IGSF5: variants seen among roughly 807,000 people sequenced by gnomAD.
The protein encoded by IGSF5 is immunoglobulin superfamily member 5.
IGSF5 carries 41 observed loss-of-function variants against 39.4 expected under a neutral mutation model. The ratio of observed to expected loss-of-function variants is 1.04; its 90% CI spans 0.81 to 1.35. IGSF5 has a LOEUF of 1.35. Ranked by LOEUF, IGSF5 falls within the 40% of genes most tolerant of loss-of-function variation. The pLI is 0.00. For missense variants in IGSF5, 487 were observed against 494.6 expected (o/e 0.98, Z 0.15); for synonymous variants, 183 against 175.3 (o/e 1.04, Z -0.34).
chr21:39,780,074 A>G (rs189396995), intron 5 of IGSF5, among the ~76,000 whole-genome samples: 3 of 152,392 alleles, frequency 2.0e-5, no homozygotes, highest in African/African-American at 4.8e-5. Context: ...AATAGCGATG[A>G]ATATGTGAGA....
chr21:39,726,154 T>C, the IGSF5 span: 7 of 152,406 alleles, frequency 4.6e-5, no homozygotes, highest in East Asian at 1.3e-3. Flanking sequence ...CTATGTGTGT[T>C]CACCTCTCAT....
chr21:39,736,956 C>G, the IGSF5 span, among the ~76,000 whole-genome samples: 1 of 152,112 alleles, frequency 6.6e-6, no homozygotes, highest in East Asian at 1.9e-4. Flanking sequence ...AATGCACTAC[C>G]CTGACCTCAG....
At chr21:39,775,646 A>G (rs1428062737) in intron 4 of IGSF5, among the ~76,000 whole-genome samples, 1 of 152,214 alleles carries the variant, frequency 6.6e-6, no homozygotes. Flanking sequence ...CCTAACAAGC[A>G]CACAGTGGTG....
At chr21:39,741,899 C>A (rs573591808), upstream of IGSF5, among the ~76,000 whole-genome samples, 221 of 152,200 alleles carry the variant, frequency 1.5e-3, 1 homozygote, top group African/African-American at 5.0e-3. Context: ...CTTGCACTAA[C>A]CTCCACTGTC....
chr21:39,751,662 T>TA (rs1421303146), intron 2 of IGSF5, among the ~76,000 whole-genome samples: 6 of 152,144 alleles, frequency 3.9e-5, no homozygotes, highest in African/African-American at 1.2e-4. Flanking sequence ...AGAAAGTTTT[T>TA]AAAAAAACTT....
the IGSF5 span, among the ~76,000 whole-genome samples, chr21:39,711,875 G>A: frequency 6.6e-6 from 1 of 152,142 alleles, no homozygotes; most frequent in Non-Finnish European, 1.5e-5. Flanking sequence ...AATCCTTTCA[G>A]ATGGTGACAC....
At chr21:39,720,628 A>T in the IGSF5 span, among the ~76,000 whole-genome samples, 1 of 152,344 alleles carries the variant, frequency 6.6e-6, no homozygotes, top group South Asian at 2.1e-4. Flanking sequence ...GCATAAGAAG[A>T]CATGATGACT....
intron 2 of IGSF5, among the ~76,000 whole-genome samples, chr21:39,761,744 C>T (rs544209010): frequency 2.6e-5 from 4 of 152,286 alleles, no homozygotes; most frequent in East Asian, 1.9e-4. Flanking sequence ...TCATAGCTTG[C>T]GGCAGACTCA....
At chr21:39,784,812 A>G (rs1466969091) in intron 5 of IGSF5, among the ~76,000 whole-genome samples, 1 of 152,124 alleles carries the variant, frequency 6.6e-6, no homozygotes, top group Non-Finnish European at 1.5e-5. Context: ...TTAAACATCA[A>G]AAATTTTCAG....
At chr21:39,739,568 A>G in the IGSF5 span, among the ~76,000 whole-genome samples, 1 of 152,124 alleles carries the variant, frequency 6.6e-6, no homozygotes, top group South Asian at 2.1e-4. Context: ...TAGTCAGCCT[A>G]GGAAATCCAG....
Position 39,801,430 on chromosome 21 carries a change from A to C in IGSF5, c.*73A>C. The stretch of plus-strand genomic sequence containing the variant: ...CACGGCGATGGCATCCTTCCTTTCC[A>C]TCCTAAGACTGGCCTGCAGCTTTGC... On this transcript the variant is annotated 3_prime_UTR_variant, in exon 9 of 9. Transcript: ENST00000380588. 1 of 1,087,570 alleles carries C rather than the reference A, an allele frequency of 9.2e-7. No individual in the cohort carries two copies. Among genetic ancestry groups the C allele is most frequent in the South Asian group, 1.3e-5 (1 of 75,750 alleles). The allele number at this position is 1,087,570 out of a possible 1,614,324, so 67.4% of individuals were successfully genotyped here.
intron 7 of IGSF5, among the ~76,000 whole-genome samples, chr21:39,793,178 A>C (rs2086975509): frequency 6.6e-6 from 1 of 152,294 alleles, no homozygotes; most frequent in African/African-American, 2.4e-5. Context: ...GCAATTGACT[A>C]TCTTGACAAA....
At chr21:39,735,359 A>G in the IGSF5 span, among the ~76,000 whole-genome samples, 12 of 152,200 alleles carry the variant, frequency 7.9e-5, no homozygotes. Context: ...AAAATTCATA[A>G]CGCTTAACTA....
the IGSF5 span, among the ~76,000 whole-genome samples, chr21:39,737,894 C>T: frequency 1.3e-5 from 2 of 152,146 alleles, no homozygotes; most frequent in South Asian, 2.1e-4. Context: ...CCTTATGACC[C>T]ACAAACAGGC....
chr21:39,789,600 A>G (rs538250971), intron 6 of IGSF5, among the ~76,000 whole-genome samples: 1 of 152,142 alleles, frequency 6.6e-6, no homozygotes, highest in Non-Finnish European at 1.5e-5. Flanking sequence ...AAATAATTAA[A>G]ATTATATGTA....
the IGSF5 span, among the ~76,000 whole-genome samples, chr21:39,725,145 G>A: frequency 1.3e-5 from 2 of 152,232 alleles, no homozygotes; most frequent in Non-Finnish European, 2.9e-5. Flanking sequence ...TAGAGATCAG[G>A]ATTCCCTTGC....
chr21:39,714,705 G>T, the IGSF5 span, among the ~76,000 whole-genome samples: 1 of 152,212 alleles, frequency 6.6e-6, no homozygotes, highest in African/African-American at 2.4e-5. Context: ...TCCTTCTTGT[G>T]TGTGTGTGTC....
intron 5 of IGSF5, among the ~76,000 whole-genome samples, chr21:39,786,978 G>A (rs1447558886): frequency 1.3e-5 from 2 of 152,152 alleles, no homozygotes; most frequent in Admixed American, 6.5e-5. Context: ...GGAAGGGGGA[G>A]GGATAGCACT....
the IGSF5 span, among the ~76,000 whole-genome samples, chr21:39,734,439 T>TACAC: frequency 0.16 from 19,117 of 119,922 alleles, 1,630 homozygotes; most frequent in Middle Eastern, 0.21. Flanking sequence ...AAAAAAAAAA[T>TACAC]ACACACACAC....
Sources: allele counts gnomAD v4.1 joint callset (sites outside exome capture counted in the v4.1 genomes callset), GRCh38; gene constraint gnomAD v4.1.1; transcripts MANE v1.5; gene names NCBI Gene and HGNC (gene_info 2026-07-23, HGNC 2026-07-21).